VPS13D: variants seen among roughly 807,000 people sequenced by gnomAD.
VPS13D encodes vacuolar protein sorting 13 homolog D.
VPS13D carries 187 observed loss-of-function variants against 461.9 expected under a neutral mutation model. The observed-to-expected ratio is 0.40, with a 90% CI of 0.36 to 0.46. VPS13D has a LOEUF of 0.46. Ranked by LOEUF, VPS13D falls within the 20% of genes least tolerant of loss-of-function variation. The probability of loss-of-function intolerance (pLI) is 0.60; values close to 1 mark genes in which losing one functional copy is unlikely to be tolerated. For synonymous variants in VPS13D, 1,951 were observed against 1,986.3 expected, an observed-to-expected ratio of 0.98 and a Z score of 0.47; for missense variants, 4,711 against 5,364.9, an observed-to-expected ratio of 0.88 and a Z score of 3.81.
At chr1:12,312,185 C>T (rs1450411308) in intron 29 of VPS13D, among the ~76,000 whole-genome samples, 5 of 152,194 alleles carry the variant, frequency 3.3e-5, no homozygotes, top group African/African-American at 1.2e-4. Flanking sequence ...CTTTTTCTCC[C>T]TCATACTCTG....
At chr1:12,243,443 A>G (rs1186602703) in intron 3 of VPS13D, among the ~76,000 whole-genome samples, 1 of 152,066 alleles carries the variant, frequency 6.6e-6, no homozygotes, top group East Asian at 1.9e-4. Context: ...GCTTGGCTAA[A>G]TTTCTGAATT....
intron 67 of VPS13D, among the ~76,000 whole-genome samples, chr1:12,488,438 T>C (rs1417652339): frequency 6.6e-6 from 1 of 152,216 alleles, no homozygotes; most frequent in Non-Finnish European, 1.5e-5. Flanking sequence ...CAGCCTGTGT[T>C]TGTCTTTTTC....
rs888402853 is a variant in VPS13D, at chr1:12,416,906, T to A, written c.12333+79T>A. On this transcript the variant is annotated intron_variant, in intron 65 of 69. Transcript: ENST00000620676. ...GTACTACAATTTCTTTTATAGTTAA[T>A]GGGCTGTGAAAAGTTATATTCATGG... The A allele has an allele frequency of 9.1e-6, 13 of 1,421,548 alleles. No individual in the cohort carries two copies. In the Admixed American group the frequency reaches 3.3e-4, roughly 36 times the overall value. The allele number at this position is 1,421,548 out of a possible 1,614,324, so 88.1% of individuals were successfully genotyped here.
At chr1:12,363,016 C>T in intron 51 of VPS13D, 56 bp from the exon 52 acceptor site, 1 of 1,600,766 alleles carries the variant, frequency 6.2e-7, no homozygotes, top group Non-Finnish European at 8.5e-7. Flanking sequence ...TACTCAGTAA[C>T]ACTTATTGTC....
chr1:12,235,792 A>G (rs952139776), intron 2 of VPS13D, among the ~76,000 whole-genome samples: 3 of 152,182 alleles, frequency 2.0e-5, no homozygotes, highest in Non-Finnish European at 4.4e-5. Context: ...TTCAAAGTGC[A>G]ATAGTAGTGT....
chr1:12,419,860 T>C (rs1013909427), intron 65 of VPS13D, among the ~76,000 whole-genome samples: 10 of 152,210 alleles, frequency 6.6e-5, no homozygotes, highest in South Asian at 2.1e-4. Context: ...TCATAGAGTA[T>C]ACTTACACAA....
At chr1:12,374,056 G>A (rs1375413157) in intron 55 of VPS13D, among the ~76,000 whole-genome samples, 198 bp downstream of exon 55, 2 of 152,212 alleles carry the variant, frequency 1.3e-5, no homozygotes, top group Admixed American at 1.3e-4. Flanking sequence ...GGAGTGGGAT[G>A]TGATCACCAG....
chr1:12,339,500 A>T (rs1399137901), intron 40 of VPS13D, among the ~76,000 whole-genome samples: 1 of 152,188 alleles, frequency 6.6e-6, no homozygotes, highest in South Asian at 2.1e-4. Flanking sequence ...CTGAACTTGG[A>T]TACGGGTAGC....
At chr1:12,322,455 A>G in intron 33 of VPS13D, 81 bp from the exon 34 acceptor site, 1 of 1,382,306 alleles carries the variant, frequency 7.2e-7, no homozygotes, top group East Asian at 2.3e-5. Flanking sequence ...AGAAGTTGAA[A>G]TAGGAATTAC....
intron 65 of VPS13D, among the ~76,000 whole-genome samples, chr1:12,439,281 C>G (rs567445725): frequency 6.6e-6 from 1 of 152,132 alleles, no homozygotes; most frequent in East Asian, 1.9e-4. Flanking sequence ...ACACTGTTCT[C>G]GCTGCTTCTC....
intron 67 of VPS13D, among the ~76,000 whole-genome samples, chr1:12,467,819 T>C (rs1645509004): frequency 6.6e-6 from 1 of 152,156 alleles, no homozygotes; most frequent in Non-Finnish European, 1.5e-5. Context: ...CATGGTACAT[T>C]ATAATCATTT....
intron 67 of VPS13D, among the ~76,000 whole-genome samples, chr1:12,487,106 T>C (rs1645807433): frequency 6.6e-6 from 1 of 152,176 alleles, no homozygotes; most frequent in South Asian, 2.1e-4. Context: ...CTGCAGGGCC[T>C]GAAACAGATT....
chr1:12,380,819 T>C (rs966451463), intron 57 of VPS13D, among the ~76,000 whole-genome samples: 2 of 152,218 alleles, frequency 1.3e-5, no homozygotes, highest in Admixed American at 6.5e-5. Context: ...ATTTTCTTTA[T>C]CTCTATCGCC....
In VPS13D at chr1:12,244,296, G is replaced by T. The variant is rs1392477414; in HGVS notation, c.226G>T (p.Asp76Tyr). Residue 76 changes from aspartate (D) to tyrosine (Y), a missense_variant, in exon 4 of 70, where the codon GAC (aspartate) becomes TAC (tyrosine). Physicochemically the swap from Asp to Tyr is radical, Grantham distance 160. Around this residue, in one of 3 missense-constraint regions of VPS13D, gnomAD observed 4,411 missense variants for 4,937.8 expected, o/e 0.89. Coordinates refer to ENST00000620676, the MANE Select transcript of VPS13D (RefSeq NM_015378.4). ...GATTCCCTTTTATCGCCCCCATGTG[G>T]ACCCTTGGGTGATCTCCATCTCCAG... ...LQIPFYRPHV[D>Y]PWVISISSLH... 4 of 1,614,100 alleles carry T rather than the reference G, an allele frequency of 2.5e-6. No individual in the cohort carries two copies. The highest frequency in any genetic ancestry group is 2.5e-6 in the Non-Finnish European group (3 of 1,179,988).
chr1:12,271,558 G>A (rs235227), intron 17 of VPS13D, among the ~76,000 whole-genome samples: 44,690 of 151,938 alleles, frequency 0.29, 9,821 homozygotes, highest in African/African-American at 0.62. Flanking sequence ...AATCCCAGCT[G>A]CTCAGGAGGC....
chr1:12,424,137 C>T (rs1213429369), intron 65 of VPS13D, among the ~76,000 whole-genome samples: 1 of 152,132 alleles, frequency 6.6e-6, no homozygotes, highest in East Asian at 1.9e-4. Flanking sequence ...CACAAAACTT[C>T]AGGGTAAATG....
intron 66 of VPS13D, among the ~76,000 whole-genome samples, chr1:12,459,184 G>A (rs908537909): frequency 1.3e-5 from 2 of 152,160 alleles, no homozygotes; most frequent in South Asian, 2.1e-4. Flanking sequence ...AAGATTTCAC[G>A]AAGTGCCAGA....
chr1:12,285,270 T>TTATG (rs1641927203), intron 21 of VPS13D, among the ~76,000 whole-genome samples: 2 of 140,428 alleles, frequency 1.4e-5, no homozygotes, highest in African/African-American at 2.7e-5. Context: ...TTTTATGTAT[T>TTATG]TATTTATTTA....
intron 20 of VPS13D, 59 bp from the exon 21 acceptor site, chr1:12,282,646 C>A: frequency 6.8e-7 from 1 of 1,465,828 alleles, no homozygotes; most frequent in Non-Finnish European, 9.3e-7. Context: ...CATTTATGGG[C>A]ATTACATCTA....
Sources: allele counts gnomAD v4.1 joint callset (sites outside exome capture counted in the v4.1 genomes callset), GRCh38; gene constraint gnomAD v4.1.1; regional missense constraint gnomAD v4.1.1; transcripts MANE v1.5; gene names NCBI Gene and HGNC (gene_info 2026-07-23, HGNC 2026-07-21).